The following PKNOX2 variants were observed in gnomAD, a reference collection of about 807,000 sequenced individuals.
PKNOX2 encodes the protein homeobox protein PKNOX2.
A neutral mutation model predicts 53.1 loss-of-function variants in PKNOX2; 14 were observed. The observed-to-expected ratio is 0.26, with a 90% CI of 0.17 to 0.41. The LOEUF (loss-of-function observed/expected upper bound fraction) is 0.41. PKNOX2 is among the 10% of genes least tolerant of loss of function. PKNOX2 has a pLI of 1.00. For synonymous variants in PKNOX2, 257 were observed against 242.8 expected (o/e 1.06, Z -0.54); for missense variants, 496 against 602.8 (o/e 0.82, Z 1.85).
At chr11:125,378,974 GT>G (rs956501849) in intron 5 of PKNOX2, among the ~76,000 whole-genome samples, 163 of 106,166 alleles carry the variant, frequency 1.5e-3, no homozygotes, top group Non-Finnish European at 1.7e-3. Flanking sequence ...AGAAATGTTT[GT>G]TTTTTTTTTT....
At chr11:125,308,488 A>G (rs1431397763) in intron 2 of PKNOX2, among the ~76,000 whole-genome samples, 1 of 152,184 alleles carries the variant, frequency 6.6e-6, no homozygotes, top group East Asian at 1.9e-4. Flanking sequence ...GCCACATGTC[A>G]TGGCCACCAT....
intron 3 of PKNOX2, among the ~76,000 whole-genome samples, chr11:125,350,902 C>T (rs1951268282): frequency 6.6e-6 from 1 of 152,092 alleles, no homozygotes; most frequent in South Asian, 2.1e-4. Context: ...GGCTGGAACT[C>T]AGGGTCCTCC....
chr11:125,397,126 G>A (rs1247521675), intron 6 of PKNOX2, among the ~76,000 whole-genome samples: 1 of 152,188 alleles, frequency 6.6e-6, no homozygotes, highest in Non-Finnish European at 1.5e-5. Flanking sequence ...CCACGAAAAG[G>A]TTAGGAATGT....
At chr11:125,207,709 G>A (rs941301041) in intron 1 of PKNOX2, among the ~76,000 whole-genome samples, 3 of 152,016 alleles carry the variant, frequency 2.0e-5, no homozygotes, top group African/African-American at 7.2e-5. Context: ...GGTTTTAGTG[G>A]CAAGTCAGGG....
At chr11:125,428,605 C>T (rs1956545648) in intron 10 of PKNOX2, among the ~76,000 whole-genome samples, 1 of 152,180 alleles carries the variant, frequency 6.6e-6, no homozygotes, top group South Asian at 2.1e-4. Context: ...GATCCATTCA[C>T]CCCGCCTACC....
At chr11:125,345,872 A>C (rs1414573849) in intron 3 of PKNOX2, among the ~76,000 whole-genome samples, 4 of 152,158 alleles carry the variant, frequency 2.6e-5, no homozygotes, top group Non-Finnish European at 5.9e-5. Flanking sequence ...GACTGATTAC[A>C]TGATTTAGTA....
chr11:125,201,104 G>T (rs1282229537), intron 1 of PKNOX2, among the ~76,000 whole-genome samples: 1 of 152,156 alleles, frequency 6.6e-6, no homozygotes, highest in African/African-American at 2.4e-5. Flanking sequence ...CTTCTCACTG[G>T]TCTCCCAGGA....
intron 1 of PKNOX2, among the ~76,000 whole-genome samples, chr11:125,201,094 CT>C (rs1297477604): frequency 6.6e-6 from 1 of 152,188 alleles, no homozygotes; most frequent in Non-Finnish European, 1.5e-5. Context: ...ATTTTAGCTC[CT>C]TCTCACTGGT....
intron 2 of PKNOX2, among the ~76,000 whole-genome samples, chr11:125,255,390 C>T (rs1462792418): frequency 2.6e-5 from 4 of 152,196 alleles, no homozygotes; most frequent in Admixed American, 6.5e-5. Flanking sequence ...AGCCCACCCC[C>T]GGGATGAGAC....
chr11:125,356,055 A>C (rs1951595577), intron 4 of PKNOX2, among the ~76,000 whole-genome samples: 1 of 140,418 alleles, frequency 7.1e-6, no homozygotes, highest in Non-Finnish European at 1.6e-5. Context: ...CTTTTCCTCA[A>C]ACACAGACAC....
At chr11:125,367,823 C>T in intron 4 of PKNOX2, 23 bp from the exon 5 acceptor site, 1 of 1,604,412 alleles carries the variant, frequency 6.2e-7, no homozygotes, top group East Asian at 2.2e-5. Context: ...TAACCCACCA[C>T]CTCCCCTTTC....
At chr11:125,235,830 C>T (rs1169258854) in intron 2 of PKNOX2, among the ~76,000 whole-genome samples, 1 of 152,218 alleles carries the variant, frequency 6.6e-6, no homozygotes, top group East Asian at 1.9e-4. Context: ...ATAACCATAA[C>T]CCTCTCCAGC....
intron 5 of PKNOX2, among the ~76,000 whole-genome samples, chr11:125,383,161 T>G (rs919466427): frequency 6.6e-6 from 1 of 152,192 alleles, no homozygotes; most frequent in African/African-American, 2.4e-5. Flanking sequence ...ACGCACTTTG[T>G]CTTTTTGTCC....
intron 2 of PKNOX2, among the ~76,000 whole-genome samples, chr11:125,331,113 G>A (rs960611071): frequency 6.6e-6 from 1 of 152,012 alleles, no homozygotes; most frequent in Non-Finnish European, 1.5e-5. Context: ...AGGAGTGTCC[G>A]GCCAGACCTT....
intron 1 of PKNOX2, among the ~76,000 whole-genome samples, chr11:125,230,247 A>G (rs1172442667): frequency 6.6e-6 from 1 of 152,270 alleles, no homozygotes; most frequent in African/African-American, 2.4e-5. Flanking sequence ...CTCAGAGGCA[A>G]CAAGTTAGCA....
intron 1 of PKNOX2, among the ~76,000 whole-genome samples, chr11:125,198,127 C>G (rs1209600438): frequency 6.6e-6 from 1 of 152,212 alleles, no homozygotes; most frequent in Admixed American, 6.5e-5. Flanking sequence ...AGCCCATCCT[C>G]TTGGGACTTG....
intron 3 of PKNOX2, among the ~76,000 whole-genome samples, chr11:125,344,752 A>C (rs1055341516): frequency 2.0e-5 from 3 of 152,192 alleles, no homozygotes; most frequent in African/African-American, 7.2e-5. Flanking sequence ...CCGGAGGGGC[A>C]GTAGGGAAGC....
chr11:125,431,250 A>G lies in PKNOX2; in HGVS notation c.1277A>G (p.Asp426Gly). The G allele has an allele frequency of 6.2e-7, 1 of 1,613,814 alleles. No individual in the cohort carries two copies. The highest frequency in any genetic ancestry group is 8.5e-7 in the Non-Finnish European group (1 of 1,179,924). ...AMQQAMMAAH[D>G]DSLDGTEEED... ...CAGCAGGCTATGATGGCTGCACACG[A>G]TGACTCATTGGATGGGACAGAAGAA... The change falls in exon 13 of 13, where the codon GAT (aspartate) becomes GGT (glycine). Residue 426 changes from aspartate to glycine, a missense_variant. Transcript: ENST00000298282.
chr11:125,364,813 T>C (rs1229292063), intron 4 of PKNOX2, among the ~76,000 whole-genome samples: 1 of 152,146 alleles, frequency 6.6e-6, no homozygotes, highest in African/African-American at 2.4e-5. Flanking sequence ...TGGTGATTAT[T>C]AAAACACCCT....
Sources: gnomAD v4.1 joint callset for allele counts (sites outside exome capture counted in the v4.1 genomes callset) on GRCh38, gnomAD v4.1.1 for gene constraint, MANE v1.5 for transcripts, NCBI Gene and HGNC (gene_info 2026-07-23, HGNC 2026-07-21) for gene names.